CDH18: variants seen among roughly 807,000 people sequenced by gnomAD.
CDH18 encodes the protein cadherin 18, also known as cadherin-18.
In CDH18, 31 loss-of-function variants were observed where a neutral mutation model predicts 67.9. The observed-to-expected ratio is 0.46, with a 90% CI of 0.34 to 0.62. CDH18 has a LOEUF of 0.62. CDH18 is among the 20% of genes least tolerant of loss of function. The probability of loss-of-function intolerance (pLI) is 0.01; values close to 1 mark genes in which losing one functional copy is unlikely to be tolerated. For synonymous variants in CDH18, 362 were observed against 347.2 expected (o/e 1.04, Z -0.48); for missense variants, 890 against 975.5 (o/e 0.91, Z 1.17).
intron 3 of CDH18, among the ~76,000 whole-genome samples, chr5:19,836,846 T>C (rs1396278235): frequency 1.3e-5 from 2 of 152,086 alleles, no homozygotes; most frequent in Non-Finnish European, 2.9e-5. Flanking sequence ...AATTTTTGTA[T>C]AAGGTGTAAG....
At chr5:19,789,225 G>T (rs1288071185) in intron 3 of CDH18, among the ~76,000 whole-genome samples, 1 of 152,144 alleles carries the variant, frequency 6.6e-6, no homozygotes, top group Non-Finnish European at 1.5e-5. Flanking sequence ...TTTGTAAGTT[G>T]TACGACCTTA....
At chr5:20,158,168 C>T (rs528160821) in intron 2 of CDH18, among the ~76,000 whole-genome samples, 2 of 152,100 alleles carry the variant, frequency 1.3e-5, no homozygotes, top group South Asian at 2.1e-4. Flanking sequence ...TTTTAATATT[C>T]TTTGTTCATG....
chr5:19,746,139 A>C (rs1769968559), intron 4 of CDH18, among the ~76,000 whole-genome samples: 1 of 152,146 alleles, frequency 6.6e-6, no homozygotes. Flanking sequence ...CTACTTTTTA[A>C]AAAATCATCC....
chr5:19,728,246 A>T (rs1269917075), intron 4 of CDH18, among the ~76,000 whole-genome samples: 1 of 152,216 alleles, frequency 6.6e-6, no homozygotes, highest in Non-Finnish European at 1.5e-5. Flanking sequence ...AAAGTGCTTT[A>T]GAAGCATTCT....
At chr5:19,630,173 C>A (rs1752212633) in intron 5 of CDH18, among the ~76,000 whole-genome samples, 1 of 152,074 alleles carries the variant, frequency 6.6e-6, no homozygotes, top group Admixed American at 6.5e-5. Context: ...AACTCCTCAC[C>A]TCAGGTGATC....
intron 2 of CDH18, among the ~76,000 whole-genome samples, chr5:20,193,506 A>G (rs1427507949): frequency 6.6e-6 from 1 of 152,158 alleles, no homozygotes; most frequent in Non-Finnish European, 1.5e-5. Flanking sequence ...TACCAGAAAT[A>G]CAAAGAGTAG....
At chr5:20,217,106 CAT>C (rs1740842203) in intron 2 of CDH18, among the ~76,000 whole-genome samples, 1 of 151,774 alleles carries the variant, frequency 6.6e-6, no homozygotes, top group African/African-American at 2.4e-5. Flanking sequence ...TGAGGGATTT[CAT>C]CAGCACAAGG....
At chr5:19,734,792 T>C (rs1768081184) in intron 4 of CDH18, among the ~76,000 whole-genome samples, 1 of 152,212 alleles carries the variant, frequency 6.6e-6, no homozygotes, top group Non-Finnish European at 1.5e-5. Context: ...GTACCCTATC[T>C]TATTATTGTG....
intron 2 of CDH18, among the ~76,000 whole-genome samples, chr5:20,216,708 C>G (rs1045340054): frequency 1.3e-5 from 2 of 151,924 alleles, no homozygotes; most frequent in African/African-American, 2.4e-5. Context: ...TCCTTCTTGT[C>G]CTGCTGTCAG....
chr5:20,232,568 CAA>C (rs1271511164), intron 2 of CDH18, among the ~76,000 whole-genome samples: 2 of 152,138 alleles, frequency 1.3e-5, no homozygotes, highest in South Asian at 4.1e-4. Flanking sequence ...TTTTTACCAT[CAA>C]AAGTCATTAT....
intron 5 of CDH18, among the ~76,000 whole-genome samples, chr5:19,622,951 T>C (rs1750940369): frequency 6.6e-6 from 1 of 152,212 alleles, no homozygotes; most frequent in African/African-American, 2.4e-5. Flanking sequence ...TAGTTTGATT[T>C]ACCCCAAAGG....
In CDH18 at chr5:20,547,688, G is replaced by A. The variant is rs1347774431; in HGVS notation, c.-580+27774C>T. 2.0e-5 allele frequency among the ~76,000 whole-genome samples: 3 copies of A among 152,196 alleles called. No individual in the cohort carries two copies. In the East Asian group the frequency reaches 5.8e-4, roughly 29 times the overall value. ...AGTCAACATGTTTGGCTTAAATAAT[G>A]AGAAGACAATTTGGACAAACTTTCC... On this transcript the variant is annotated intron_variant, in intron 1 of 14. Coordinates refer to the CDH18 transcript ENST00000507958.
Position 19,839,019 on chromosome 5 carries a change from T to A in CDH18, c.-33A>T. On this transcript the variant is annotated 5_prime_UTR_variant, in exon 3 of 13. Transcript: ENST00000382275. ...TAACTTTCCAGTTCACAGTTTTCCT[T>A]CCTTTCCTTGTCAGCTACGAAAGCT... The A allele has an allele frequency of 6.4e-7, 1 of 1,558,344 alleles. No individual in the cohort carries two copies. Among genetic ancestry groups the A allele is most frequent in the Non-Finnish European group, 8.8e-7 (1 of 1,130,094 alleles).
At chr5:19,589,894 T>C (rs1416100536) in intron 7 of CDH18, among the ~76,000 whole-genome samples, 2 of 152,136 alleles carry the variant, frequency 1.3e-5, no homozygotes, top group Non-Finnish European at 2.9e-5. Context: ...CCTAGGCTTC[T>C]TTCAATTCTC....
intron 2 of CDH18, among the ~76,000 whole-genome samples, chr5:19,962,351 G>A (rs189787590): frequency 0.015 from 1,182 of 79,008 alleles, 28 homozygotes; most frequent in African/African-American, 0.043. Context: ...TGATTACTTC[G>A]TAATTTAGAG....
At chr5:20,435,824 A>G (rs906870628) in intron 1 of CDH18, among the ~76,000 whole-genome samples, 1 of 152,212 alleles carries the variant, frequency 6.6e-6, no homozygotes, top group East Asian at 1.9e-4. Flanking sequence ...GTGGTGAAAG[A>G]TATCAAAGGT....
At chr5:20,362,025 T>A (rs1004053881) in intron 1 of CDH18, among the ~76,000 whole-genome samples, 3 of 151,756 alleles carry the variant, frequency 2.0e-5, no homozygotes, top group African/African-American at 7.3e-5. Flanking sequence ...CCAGAGTCAA[T>A]CATGCATATT....
intron 1 of CDH18, among the ~76,000 whole-genome samples, chr5:20,516,085 A>T (rs570130410): frequency 6.6e-6 from 1 of 152,188 alleles, no homozygotes; most frequent in South Asian, 2.1e-4. Context: ...ATATCATTAA[A>T]ATGGCACCAT....
intron 8 of CDH18, among the ~76,000 whole-genome samples, chr5:19,548,613 C>A (rs1426746038): frequency 6.6e-6 from 1 of 151,822 alleles, no homozygotes; most frequent in African/African-American, 2.4e-5. Flanking sequence ...ATAACAGCTG[C>A]ATGAGGTAAG....
Sources: gnomAD v4.1 joint callset for allele counts (sites outside exome capture counted in the v4.1 genomes callset) on GRCh38, gnomAD v4.1.1 for gene constraint, MANE v1.5 for transcripts, NCBI Gene and HGNC (gene_info 2026-07-23, HGNC 2026-07-21) for gene names.